Variants in TAF1 observed in about 807,000 individuals in gnomAD.
The protein encoded by TAF1 is transcription initiation factor TFIID subunit 1.
Under a neutral mutation model 138.5 loss-of-function variants are expected in TAF1, and 2 were observed. The observed-to-expected ratio is 0.01, with a 90% CI of 0.01 to 0.05. The LOEUF is 0.05. TAF1 is among the 10% of genes least tolerant of loss of function. The pLI is 1.00. For missense variants in TAF1, 709 were observed against 1,478.0 expected (o/e 0.48, Z 8.53); for synonymous variants, 437 against 503.2 (o/e 0.87, Z 1.76).
intron 13 of TAF1, among the ~76,000 whole-genome samples, chrX:71,488,806 C>G (rs903763758): frequency 1.8e-5 from 2 of 110,591 alleles, no homozygotes; most frequent in Admixed American, 9.7e-5. Context: ...GTGGCTCACA[C>G]CTGTAATCCC....
At chrX:71,393,539 T>C (rs2034683717) in intron 21 of TAF1, 63 bp downstream of exon 21, 1 of 1,125,554 alleles carries the variant, frequency 8.9e-7, no homozygotes, top group Non-Finnish European at 1.2e-6. Context: ...CAGGCACTAT[T>C]TCATAATAAA....
At position 71,474,326 on chromosome X, in the gene TAF1, A is replaced by G. The variant is rs760407446; in HGVS notation, c.1366+13523A>G. On this transcript the variant is annotated intron_variant and NMD_transcript_variant, in intron 13 of 14. Transcript: ENST00000373775. The stretch of plus-strand genomic sequence containing the variant: ...TTAGCCCTGGTTTCAGAGTATGTAT[A>G]TATTTAATGTAGTGAATGTATTAGG... Among the ~76,000 whole-genome samples, 3 of 111,617 alleles carry G rather than the reference A, an allele frequency of 2.7e-5. No homozygotes were observed. The East Asian group carries it at 8.5e-4, about 31-fold the overall frequency.
chrX:71,377,608 AC>A lies in TAF1; in HGVS notation c.721del (p.Arg241ValfsTer30). 1 of 1,210,421 alleles carries A rather than the reference AC, an allele frequency of 8.3e-7. No individual in the cohort carries two copies. The highest frequency in any genetic ancestry group is 2.2e-5 in the Admixed American group (1 of 45,638). ...TAATGTATTCTGTGTTCTAGGTGTT[AC>A]GTTTTCTACGTCTTTTTGGACCAGG... ...FPEFRPGKVLRFLRLFGPGKN... is the reference protein window; with the variant it reads ...FPEFRPGKVLXFLRLFGPGKN... On this transcript the variant is annotated frameshift_variant, in exon 6 of 38. Transcript: ENST00000423759. LOFTEE classifies it high-confidence loss of function.
intron 13 of TAF1, among the ~76,000 whole-genome samples, chrX:71,476,712 G>A (rs1244612246): frequency 2.7e-5 from 3 of 110,279 alleles, no homozygotes; most frequent in African/African-American, 9.9e-5. Context: ...GATTGGCACA[G>A]GAATAGGCAA....
At chrX:71,400,339 C>G (rs760892269) in intron 24 of TAF1, among the ~76,000 whole-genome samples, 1 of 111,807 alleles carries the variant, frequency 8.9e-6, no homozygotes, top group African/African-American at 3.2e-5. Context: ...GATCCTCCCA[C>G]CTTGGCCTCC....
At chrX:71,368,245 C>T (rs2032718823) in intron 3 of TAF1, 75 bp downstream of exon 3, 5 of 1,006,196 alleles carry the variant, frequency 5.0e-6, no homozygotes, top group East Asian at 6.2e-5. Context: ...GCTCTGGTTT[C>T]TATACCCGCT....
intron 32 of TAF1, among the ~76,000 whole-genome samples, chrX:71,440,942 CCTTCTTT>C (rs1479752123): frequency 9.1e-6 from 1 of 110,302 alleles, no homozygotes; most frequent in African/African-American, 3.3e-5. Flanking sequence ...CTCCCTTCTT[CCTTCTTT>C]CTTCTTCTTC....
chrX:71,463,961 G>T lies in TAF1; in HGVS notation c.5537G>T (p.Ser1846Ile). 1 of 1,205,551 alleles carries T rather than the reference G, an allele frequency of 8.3e-7. No individual in the cohort carries two copies. Among genetic ancestry groups the T allele is most frequent in the Non-Finnish European group, 1.1e-6 (1 of 892,112 alleles). Residue 1846 changes from serine to isoleucine, a missense_variant, in exon 38 of 38, where the codon AGC becomes ATC. Ser to Ile is a moderately radical substitution (Grantham distance 142, BLOSUM62 -2). Coordinates refer to ENST00000423759, the MANE Select transcript of TAF1 (RefSeq NM_004606.5). ...CAGCGCTCTGGGCCGAGCGTACTAAGCCAGGTCCACCTGTCAGAGGACGAG... is the reference window on the plus strand; with the variant it reads ...CAGCGCTCTGGGCCGAGCGTACTAATCCAGGTCCACCTGTCAGAGGACGAG... ...EEQRSGPSVL[S>I]QVHLSEDEED...
At chrX:71,423,026 G>T in intron 29 of TAF1, 91 bp from the exon 30 acceptor site, 1 of 1,132,361 alleles carries the variant, frequency 8.8e-7, no homozygotes. Context: ...ACAGGCGTGA[G>T]CCACCACGCC....
At chrX:71,439,275 C>T (rs1028751512) in intron 32 of TAF1, among the ~76,000 whole-genome samples, 1 of 111,414 alleles carries the variant, frequency 9.0e-6, no homozygotes, top group Admixed American at 9.6e-5. Flanking sequence ...TAACATTACC[C>T]AGTAGCTACG....
chrX:71,476,515 C>T (rs780549065), intron 13 of TAF1, among the ~76,000 whole-genome samples: 12 of 109,874 alleles, frequency 1.1e-4, no homozygotes, highest in Admixed American at 8.8e-4. Context: ...TGGTGGTACA[C>T]GCCTGTGGTC....
intron 32 of TAF1, among the ~76,000 whole-genome samples, chrX:71,452,265 G>A (rs1320192815): frequency 1.8e-5 from 2 of 110,989 alleles, no homozygotes; most frequent in Admixed American, 9.4e-5. Flanking sequence ...CTTCTCAGAC[G>A]GGGCGGCTGC....
chrX:71,379,712 C>T (rs1399890702), intron 8 of TAF1, among the ~76,000 whole-genome samples: 1 of 108,017 alleles, frequency 9.3e-6, no homozygotes, highest in African/African-American at 3.4e-5. Context: ...AGGCGATTCT[C>T]CTGCCTCAGC....
In TAF1 at chrX:71,394,253, T is replaced by G. The variant is rs764517540; in HGVS notation, c.3406+8T>G. 7 of 1,192,451 alleles carry G rather than the reference T, an allele frequency of 5.9e-6. No individual in the cohort carries two copies. The South Asian group carries it at 1.3e-4, about 22-fold the overall frequency. On this transcript the variant is annotated splice_region_variant and intron_variant, in intron 22 of 37. Transcript: ENST00000423759. ...TACAGCGAATGCTACTGGGTGAGGA[T>G]CTTGGCTTCACAGACAGATAAAAAA... is the stretch of plus-strand genomic sequence containing the variant.
At chrX:71,510,964 G>GT (rs1157201030) in intron 13 of TAF1, among the ~76,000 whole-genome samples, 3 of 111,170 alleles carry the variant, frequency 2.7e-5, no homozygotes, top group African/African-American at 9.8e-5. Context: ...TTAGCCGGGC[G>GT]TGGTGGCGCA....
rs141960588 is a variant in TAF1 at position 71,527,881 on chromosome X, A to G, written c.1367-661A>G. ...CAAAGGCAGTTTTTGAAATAAGTCT[A>G]TTCTGGTATGCTGACATAAAACAAA... On this transcript the variant is annotated intron_variant and NMD_transcript_variant, in intron 13 of 14. Coordinates refer to the TAF1 transcript ENST00000373775. 268 of 149,818 alleles carry G rather than the reference A, an allele frequency of 1.8e-3. 1 individual carries two copies. Among genetic ancestry groups the G allele is most frequent in the African/African-American group, 7.9e-3 (253 of 31,873 alleles). 12.3% of individuals were successfully genotyped at this position (149,818 alleles called of 1,213,427 possible).
At chrX:71,383,925 G>C (rs765568532) in intron 12 of TAF1, 37 bp from the exon 13 acceptor site, 1 of 1,190,351 alleles carries the variant, frequency 8.4e-7, no homozygotes, top group East Asian at 3.0e-5. Context: ...GTAGTGTCCT[G>C]TCAGGAGCTA....
At position 71,454,251 on chromosome X, in the gene TAF1, A is replaced by T; in HGVS notation, c.4821+14A>T. The stretch of plus-strand genomic sequence containing the variant: ...ACATTGACTGAGGTAGGTGGTAAAG[A>T]TGGAGGTCCTAAGCCTGGGCAACAT... On this transcript the variant is annotated intron_variant, in intron 33 of 37. Transcript: ENST00000423759. 1 of 1,201,799 alleles carries T rather than the reference A, an allele frequency of 8.3e-7. No individual in the cohort carries two copies. Among genetic ancestry groups the T allele is most frequent in the Non-Finnish European group, 1.1e-6 (1 of 887,340 alleles).
chrX:71,390,120 C>T (rs1397878064), intron 18 of TAF1, among the ~76,000 whole-genome samples: 2 of 112,074 alleles, frequency 1.8e-5, no homozygotes, highest in East Asian at 2.8e-4. Flanking sequence ...AAGTGATCCT[C>T]GTGCCTTGGC....
Sources: gnomAD v4.1 joint callset for allele counts (sites outside exome capture counted in the v4.1 genomes callset) on GRCh38, gnomAD v4.1.1 for gene constraint, MANE v1.5 for transcripts, NCBI Gene and HGNC (gene_info 2026-07-23, HGNC 2026-07-21) for gene names.